Variants in LHFPL3 observed in about 807,000 individuals in gnomAD.
LHFPL3 encodes the protein LHFPL tetraspan subfamily member 3.
In LHFPL3, 5 loss-of-function variants were observed where a neutral mutation model predicts 19.3. That is an observed-to-expected ratio of 0.26 (90% confidence interval 0.14 to 0.54). The LOEUF is 0.54. Among genes scored for constraint, LHFPL3 ranks in the 20% least tolerant of loss-of-function variants. LHFPL3 has a pLI of 0.94. For synonymous variants in LHFPL3, 133 were observed against 126.2 expected (o/e 1.05, Z -0.36); for missense variants, 249 against 307.4 (o/e 0.81, Z 1.42).
At chr7:104,667,178 G>A (rs1792370847) in intron 1 of LHFPL3, among the ~76,000 whole-genome samples, 1 of 150,640 alleles carries the variant, frequency 6.6e-6, no homozygotes, top group Non-Finnish European at 1.5e-5. Flanking sequence ...TTTAATAATA[G>A]CCAGCTTTTA....
intron 1 of LHFPL3, among the ~76,000 whole-genome samples, chr7:104,595,732 T>G (rs763345583): frequency 1.4e-4 from 21 of 152,262 alleles, no homozygotes; most frequent in Non-Finnish European, 2.6e-4. Context: ...TCGAGCTTCT[T>G]GGCCGCTTTG....
chr7:104,904,819 A>G (rs1326507093), intron 2 of LHFPL3, among the ~76,000 whole-genome samples: 2 of 152,178 alleles, frequency 1.3e-5, no homozygotes, highest in Non-Finnish European at 2.9e-5. Context: ...TCACAGTGAC[A>G]AAAACCTATG....
intron 2 of LHFPL3, among the ~76,000 whole-genome samples, chr7:104,868,926 T>G (rs1791781958): frequency 6.6e-6 from 1 of 152,086 alleles, no homozygotes; most frequent in South Asian, 2.1e-4. Flanking sequence ...ATGCTGCATA[T>G]CTACAACCAT....
At chr7:104,424,938 C>G (rs1049913915) in intron 1 of LHFPL3, among the ~76,000 whole-genome samples, 1 of 141,026 alleles carries the variant, frequency 7.1e-6, no homozygotes, top group Non-Finnish European at 1.5e-5. Context: ...GCGGAGATCA[C>G]GCCACTACAC....
intron 1 of LHFPL3, among the ~76,000 whole-genome samples, chr7:104,418,534 A>G (rs1791668851): frequency 6.6e-6 from 1 of 152,188 alleles, no homozygotes. Flanking sequence ...CCTGTCTCCA[A>G]AAACAAACAA....
intron 1 of LHFPL3, among the ~76,000 whole-genome samples, chr7:104,373,925 CA>C (rs954093028): frequency 6.6e-6 from 1 of 151,860 alleles, no homozygotes; most frequent in Non-Finnish European, 1.5e-5. Flanking sequence ...AAAACAAAAA[CA>C]AAAAAACATG....
chr7:104,725,974 C>T (rs1229907026), intron 1 of LHFPL3, among the ~76,000 whole-genome samples: 24 of 143,496 alleles, frequency 1.7e-4, no homozygotes, highest in Non-Finnish European at 1.5e-5. Context: ...ACTGCTTTAA[C>T]CCGGGAGGTA....
intron 1 of LHFPL3, among the ~76,000 whole-genome samples, chr7:104,528,448 C>T (rs960757159): frequency 6.6e-6 from 1 of 152,058 alleles, no homozygotes; most frequent in African/African-American, 2.4e-5. Flanking sequence ...TTTTCTTTTA[C>T]CCCAGGCAGA....
chr7:104,508,597 CT>C (rs1240313433), intron 1 of LHFPL3, among the ~76,000 whole-genome samples: 6 of 128,584 alleles, frequency 4.7e-5, no homozygotes, highest in African/African-American at 6.6e-5. Context: ...TACCCTAAAA[CT>C]TAAAGTATAA....
chr7:104,660,097 G>A (rs1792197414), intron 1 of LHFPL3, among the ~76,000 whole-genome samples: 1 of 151,128 alleles, frequency 6.6e-6, no homozygotes, highest in Admixed American at 6.6e-5. Flanking sequence ...CGCCTCCCAG[G>A]TTCAAGCTAT....
chr7:104,500,751 T>C (rs1793584653), intron 1 of LHFPL3, among the ~76,000 whole-genome samples: 1 of 152,238 alleles, frequency 6.6e-6, no homozygotes, highest in Non-Finnish European at 1.5e-5. Flanking sequence ...CTAAAATTCT[T>C]GAGCAAATCC....
At chr7:104,729,393 C>G (rs1793648459) in intron 1 of LHFPL3, among the ~76,000 whole-genome samples, 1 of 152,132 alleles carries the variant, frequency 6.6e-6, no homozygotes. Context: ...CTTCTCTCTT[C>G]TAGCTATTTT....
intron 1 of LHFPL3, among the ~76,000 whole-genome samples, chr7:104,339,021 GTGGATCGCCTGAGGTCAGGCATTCAAGAC>G (rs1789894045): frequency 6.6e-6 from 1 of 152,214 alleles, no homozygotes; most frequent in South Asian, 2.1e-4. Flanking sequence ...GCCGAGGCGG[GTGGATCGCCTGAGGTCAGGCATTCAAGAC>G]CAGCCTGACC....
At chr7:104,621,802 A>AT (rs1791450893) in intron 1 of LHFPL3, among the ~76,000 whole-genome samples, 1 of 152,170 alleles carries the variant, frequency 6.6e-6, no homozygotes, top group South Asian at 2.1e-4. Flanking sequence ...TGACTCCTCC[A>AT]CTGATAAATA....
intron 1 of LHFPL3, among the ~76,000 whole-genome samples, chr7:104,632,177 T>TC (rs1791656413): frequency 6.6e-6 from 1 of 151,966 alleles, no homozygotes; most frequent in East Asian, 1.9e-4. Context: ...TCATTTGTGT[T>TC]GGGTGAGGTC....
intron 2 of LHFPL3, among the ~76,000 whole-genome samples, chr7:104,809,765 A>G (rs1359247975): frequency 1.3e-5 from 2 of 152,246 alleles, no homozygotes; most frequent in Non-Finnish European, 2.9e-5. Context: ...ACTGTAGCTC[A>G]GATACCCTGG....
At chr7:104,569,195 G>T (rs987567390) in intron 1 of LHFPL3, among the ~76,000 whole-genome samples, 2 of 152,020 alleles carry the variant, frequency 1.3e-5, no homozygotes, top group Admixed American at 1.3e-4. Context: ...CTTTGGCCAT[G>T]GTGTCTCTTA....
At chr7:104,850,995 T>C (rs1275006190) in intron 2 of LHFPL3, among the ~76,000 whole-genome samples, 2 of 152,224 alleles carry the variant, frequency 1.3e-5, no homozygotes, top group African/African-American at 2.4e-5. Flanking sequence ...GGCCACCACT[T>C]TGACAGATTC....
At chr7:104,782,114 A>C (rs1456323589) in intron 2 of LHFPL3, among the ~76,000 whole-genome samples, 1 of 152,194 alleles carries the variant, frequency 6.6e-6, no homozygotes, top group Non-Finnish European at 1.5e-5. Context: ...TCAGCTAATG[A>C]CTGGGCTGGG....
Sources: allele counts gnomAD v4.1 joint callset (sites outside exome capture counted in the v4.1 genomes callset), GRCh38; gene constraint gnomAD v4.1.1; transcripts MANE v1.5; gene names NCBI Gene and HGNC (gene_info 2026-07-23, HGNC 2026-07-21).